FUNDC1: variants seen among roughly 807,000 people sequenced by gnomAD.
The protein encoded by FUNDC1 is FUN14 domain-containing protein 1.
Under a neutral mutation model 14.5 loss-of-function variants are expected in FUNDC1, and 10 were observed. The observed-to-expected ratio is 0.69, with a 90% CI of 0.43 to 1.17. The LOEUF (loss-of-function observed/expected upper bound fraction) is 1.17, where lower values mean the gene tolerates loss of function less well. Among genes scored for constraint, FUNDC1 ranks in the 50% most tolerant of loss-of-function variants. The pLI, the probability that FUNDC1 is intolerant of heterozygous loss-of-function variation, is 0.00. For missense variants in FUNDC1, 115 were observed against 113.8 expected (o/e 1.01, Z -0.05); for synonymous variants, 33 against 39.7 (o/e 0.83, Z 0.64).
At chrX:44,538,228 C>T (rs942308966) in intron 3 of FUNDC1, among the ~76,000 whole-genome samples, 1 of 112,494 alleles carries the variant, frequency 8.9e-6, no homozygotes, top group African/African-American at 3.2e-5. Flanking sequence ...AAGGGATCTG[C>T]CTGCCTCTGC....
chrX:44,526,436 G>GA (rs200330921), intron 4 of FUNDC1, among the ~76,000 whole-genome samples: 9,663 of 82,399 alleles, frequency 0.12, 488 homozygotes, highest in East Asian at 0.27. Context: ...TCTCAAAAAA[G>GA]AAAAAAAAAG....
intron 2 of FUNDC1, among the ~76,000 whole-genome samples, chrX:44,539,638 T>C (rs749068055): frequency 8.9e-6 from 1 of 111,737 alleles, no homozygotes; most frequent in African/African-American, 3.2e-5. Flanking sequence ...TCCAGAACTG[T>C]GAGAGAATAA....
At chrX:44,539,399 A>G (rs1315768468) in intron 2 of FUNDC1, among the ~76,000 whole-genome samples, 1 of 111,795 alleles carries the variant, frequency 8.9e-6, no homozygotes, top group Non-Finnish European at 1.9e-5. Context: ...TTCAGATGAG[A>G]TCATACTGGA....
In FUNDC1 at chrX:44,541,572, G is replaced by GT. The variant is rs774955585; in HGVS notation, c.185+372dup. 1.4e-4 allele frequency among the ~76,000 whole-genome samples: 16 copies of GT among 111,735 alleles called. No homozygotes were observed. The East Asian group carries it at 3.6e-3, about 25-fold the overall frequency. ...CAGTTCTACCGTGGGAGTTTCTTAGGTTTTTTCAGCAGTTAGCACTGAATG... is the reference window on the plus strand; with the variant it reads ...CAGTTCTACCGTGGGAGTTTCTTAGGTTTTTTTCAGCAGTTAGCACTGAATG... On this transcript the variant is annotated intron_variant, in intron 2 of 4. Transcript: ENST00000378045.
chrX:44,542,225 T>C lies in FUNDC1; in HGVS notation c.29-124A>G, dbSNP rs2038975138. Reference sequence around the variant, plus strand: ...TGGCCTACAGCTAAAAATGCCCACATAGAAACTACTGACTTTATTTAACTC... The same window carrying C: ...TGGCCTACAGCTAAAAATGCCCACACAGAAACTACTGACTTTATTTAACTC... On this transcript the variant is annotated intron_variant, in intron 1 of 4. Coordinates refer to ENST00000378045, the MANE Select transcript of FUNDC1 (RefSeq NM_173794.4). 2.4e-5 allele frequency: 12 copies of C among 493,035 alleles called. No individual in the cohort carries two copies. In the South Asian group the frequency reaches 3.9e-4, roughly 16 times the overall value. 40.6% of individuals were successfully genotyped at this position (493,035 alleles called of 1,213,427 possible). A position where few individuals can be genotyped will look rare whatever the true frequency, so the allele number is the denominator to read the frequency against.
In FUNDC1 at chrX:44,526,299, G is replaced by A. The variant is rs1004635658; in HGVS notation, c.390+938C>T. ...CAAAAAATTAGCTGGGAGAGGTGGC[G>A]CGTGCCTGTAATTCCAGCTACTCAG... On this transcript the variant is annotated intron_variant, in intron 4 of 4. Transcript: ENST00000378045. 1.5e-4 allele frequency among the ~76,000 whole-genome samples: 16 copies of A among 109,538 alleles called. No individual in the cohort carries two copies. The East Asian group carries it at 3.5e-3, about 24-fold the overall frequency.
intron 3 of FUNDC1, among the ~76,000 whole-genome samples, chrX:44,532,953 T>TAG (rs2038932533): frequency 8.9e-6 from 1 of 112,124 alleles, no homozygotes; most frequent in Non-Finnish European, 1.9e-5. Context: ...AATAAACTGC[T>TAG]AGATGAACAT....
At chrX:44,540,572 C>T (rs1601904742) in intron 2 of FUNDC1, among the ~76,000 whole-genome samples, 1 of 111,753 alleles carries the variant, frequency 8.9e-6, no homozygotes, top group East Asian at 2.8e-4. Context: ...GCATCAGTCA[C>T]TAAAATGAAC....
intron 3 of FUNDC1, among the ~76,000 whole-genome samples, chrX:44,532,557 A>T (rs184275991): frequency 0.063 from 6,266 of 100,020 alleles, 203 homozygotes; most frequent in African/African-American, 0.12. Flanking sequence ...ATATATATAT[A>T]TTTTTTTTTT....
intron 3 of FUNDC1, among the ~76,000 whole-genome samples, chrX:44,535,757 G>C (rs773632274): frequency 1.8e-5 from 2 of 109,010 alleles, no homozygotes; most frequent in East Asian, 5.8e-4. Flanking sequence ...AGGCCAAGGC[G>C]GGTGGATCGC....
At chrX:44,531,247 AACACAC>A (rs759868973) in intron 3 of FUNDC1, among the ~76,000 whole-genome samples, 12 of 50,399 alleles carry the variant, frequency 2.4e-4, no homozygotes, top group South Asian at 8.4e-4. Flanking sequence ...TTTCCAGAAA[AACACAC>A]ACACACACAC....
At chrX:44,542,169 T>C in intron 1 of FUNDC1, 68 bp from the exon 2 acceptor site, 1 of 852,361 alleles carries the variant, frequency 1.2e-6, no homozygotes, top group Non-Finnish European at 1.7e-6. Flanking sequence ...TCTATACATC[T>C]TTTTAAAAAT....
chrX:44,533,650 C>CAAAAAAAAAAA (rs1420752819), intron 3 of FUNDC1, among the ~76,000 whole-genome samples: 1 of 71,091 alleles, frequency 1.4e-5, no homozygotes, highest in Non-Finnish European at 2.6e-5. Flanking sequence ...AAAAAAAAAA[C>CAAAAAAAAAAA]AACAAAACAA....
At chrX:44,531,124 C>A (rs1462790694) in intron 3 of FUNDC1, among the ~76,000 whole-genome samples, 1 of 107,990 alleles carries the variant, frequency 9.3e-6, no homozygotes, top group East Asian at 2.9e-4. Context: ...CACCTGTAGT[C>A]CCAGCTACTT....
chrX:44,531,345 C>G (rs2038924693), intron 3 of FUNDC1, among the ~76,000 whole-genome samples: 2 of 79,742 alleles, frequency 2.5e-5, no homozygotes, highest in Non-Finnish European at 4.3e-5. Flanking sequence ...CACACACACA[C>G]ACACACACAC....
chrX:44,541,205 C>T (rs961865810), intron 2 of FUNDC1, among the ~76,000 whole-genome samples: 6 of 112,284 alleles, frequency 5.3e-5, no homozygotes, highest in African/African-American at 1.9e-4. Context: ...TCTACAGTCA[C>T]GAACATTTTC....
At chrX:44,524,657 G>T (rs2038894197) in intron 4 of FUNDC1, among the ~76,000 whole-genome samples, 1 of 111,649 alleles carries the variant, frequency 9.0e-6, no homozygotes, top group South Asian at 3.7e-4. Context: ...CCAGAGCCAA[G>T]TAGCAGTTTC....
In FUNDC1 at chrX:44,530,502, A is replaced by T. The variant is rs1165280193; in HGVS notation, c.262-3137T>A. Among the ~76,000 whole-genome samples the T allele has an allele frequency of 3.6e-5, 4 of 110,507 alleles. No homozygotes were observed. The East Asian group carries it at 1.1e-3, about 31-fold the overall frequency. ...ATGCCTGTAATCCCAGCTACTTGGA[A>T]GGCTGAGGCAAAAGAATCACTGGAA... On this transcript the variant is annotated intron_variant, in intron 3 of 4. Coordinates refer to ENST00000378045, the MANE Select transcript of FUNDC1 (RefSeq NM_173794.4).
In FUNDC1 at chrX:44,531,267, C is replaced by A. The variant is rs772089167; in HGVS notation, c.262-3902G>T. ...AGAAAAACACACACACACACACACACACACACACACACACACACGGCTTTC... is the reference window on the plus strand; with the variant it reads ...AGAAAAACACACACACACACACACAAACACACACACACACACACGGCTTTC... On this transcript the variant is annotated intron_variant, in intron 3 of 4. Transcript: ENST00000378045. 6.9e-4 allele frequency among the ~76,000 whole-genome samples: 49 copies of A among 71,180 alleles called. 1 individual carries two copies. Among genetic ancestry groups the A allele is most frequent in the Admixed American group, 1.1e-3 (8 of 7,544 alleles). 61.8% of individuals were successfully genotyped at this position (71,180 alleles called of 115,157 possible).
Sources: gnomAD v4.1 joint callset for allele counts (sites outside exome capture counted in the v4.1 genomes callset) on GRCh38, gnomAD v4.1.1 for gene constraint, MANE v1.5 for transcripts, NCBI Gene and HGNC (gene_info 2026-07-23, HGNC 2026-07-21) for gene names.